PCDH15: variants seen among roughly 807,000 people sequenced by gnomAD.
PCDH15 encodes the protein protocadherin related 15, also known as protocadherin-15.
PCDH15 carries 129 observed loss-of-function variants against 178.5 expected under a neutral mutation model. The observed-to-expected ratio is 0.72, with a 90% CI of 0.63 to 0.84. The LOEUF is 0.84. Among genes scored for constraint, PCDH15 ranks in the 40% least tolerant of loss-of-function variants. PCDH15 has a pLI of 0.00. For missense variants in PCDH15, 2,230 were observed against 2,099.9 expected (o/e 1.06, Z -1.21); for synonymous variants, 800 against 732.0 (o/e 1.09, Z -1.50).
intron 8 of PCDH15, among the ~76,000 whole-genome samples, chr10:54,295,974 C>T (rs1239975480): frequency 6.7e-6 from 1 of 150,312 alleles, no homozygotes; most frequent in Non-Finnish European, 1.5e-5. Context: ...GAAACCCCGT[C>T]TCTACTAAAA....
chr10:55,173,196 G>A (rs1279617009), intron 1 of PCDH15, among the ~76,000 whole-genome samples: 1 of 151,302 alleles, frequency 6.6e-6, no homozygotes, highest in Non-Finnish European at 1.5e-5. Context: ...GTAACATACT[G>A]AATCTTTACA....
At chr10:53,819,266 C>A (rs999464764) in intron 33 of PCDH15, among the ~76,000 whole-genome samples, 1 of 151,924 alleles carries the variant, frequency 6.6e-6, no homozygotes, top group Non-Finnish European at 1.5e-5. Context: ...TAGACGATTT[C>A]TTCTGACTCC....
In PCDH15 at chr10:54,170,525, C is replaced by T. The variant is rs190700498; in HGVS notation, c.1590+12919G>A. Among the ~76,000 whole-genome samples the T allele has an allele frequency of 8.4e-3, 1,262 of 150,342 alleles. 41 individuals are homozygous for T. Among genetic ancestry groups the T allele is most frequent in the African/African-American group, 0.029 (1,164 of 39,746 alleles). ...TTCTTCCTCATACCTGATGCATATACTTTCTGCTTCCCAGCTCCTTCAGCT... is the reference window on the plus strand; with the variant it reads ...TTCTTCCTCATACCTGATGCATATATTTTCTGCTTCCCAGCTCCTTCAGCT... On this transcript the variant is annotated intron_variant, in intron 13 of 37. Coordinates refer to ENST00000644397, the MANE Select transcript of PCDH15 (RefSeq NM_001384140.1).
intron 3 of PCDH15, among the ~76,000 whole-genome samples, chr10:54,822,440 A>T (rs1181697112): frequency 6.6e-6 from 1 of 152,102 alleles, no homozygotes; most frequent in Non-Finnish European, 1.5e-5. Context: ...TTCTAGTTCC[A>T]TCATGTTAGT....
chr10:55,018,813 G>A (rs749093624), intron 2 of PCDH15, among the ~76,000 whole-genome samples: 3 of 152,100 alleles, frequency 2.0e-5, no homozygotes, highest in Non-Finnish European at 4.4e-5. Flanking sequence ...GAGGCTAGAT[G>A]TTGTGGAATT....
intron 21 of PCDH15, among the ~76,000 whole-genome samples, chr10:53,979,262 C>T (rs1404583636): frequency 6.6e-6 from 1 of 152,172 alleles, no homozygotes; most frequent in Non-Finnish European, 1.5e-5. Flanking sequence ...CATCCTTCTT[C>T]ACAGGGTGAC....
At chr10:53,998,530 T>C (rs2091963470) in intron 20 of PCDH15, among the ~76,000 whole-genome samples, 1 of 152,014 alleles carries the variant, frequency 6.6e-6, no homozygotes, top group South Asian at 2.1e-4. Context: ...ACCAAGAAGA[T>C]GTAAGGAATC....
intron 5 of PCDH15, among the ~76,000 whole-genome samples, chr10:54,347,568 G>T (rs1048348155): frequency 2.0e-5 from 3 of 152,038 alleles, no homozygotes; most frequent in Admixed American, 6.6e-5. Flanking sequence ...CAACAAAAAA[G>T]TTGCCTTATT....
In PCDH15 at chr10:53,821,876, A is replaced by T. The variant is rs1185902920; in HGVS notation, c.4368-1646T>A. 2.5e-6 allele frequency: 4 copies of T among 1,613,238 alleles called. No individual in the cohort carries two copies. The highest frequency in any genetic ancestry group is 3.4e-6 in the Non-Finnish European group (4 of 1,179,726). On this transcript the variant is annotated intron_variant, in intron 32 of 37. Coordinates refer to ENST00000644397, the MANE Select transcript of PCDH15 (RefSeq NM_001384140.1). Reference sequence around the variant, plus strand: ...AGCAACATTACAGTGAAGTAGATTGACTGTGAGATTGTTTTTCAGTTCCCT... The same window carrying T: ...AGCAACATTACAGTGAAGTAGATTGTCTGTGAGATTGTTTTTCAGTTCCCT...
intron 1 of PCDH15, among the ~76,000 whole-genome samples, chr10:54,717,803 C>T (rs1347839376): frequency 7.0e-6 from 1 of 143,314 alleles, no homozygotes; most frequent in Non-Finnish European, 1.5e-5. Context: ...TATAAAGACA[C>T]ATGCACACGT....
chr10:54,255,111 G>A (rs190752011), intron 8 of PCDH15, among the ~76,000 whole-genome samples: 166 of 152,286 alleles, frequency 1.1e-3, no homozygotes, highest in African/African-American at 3.9e-3. Flanking sequence ...AGAGCTGTAG[G>A]TAATTTGTAT....
intron 3 of PCDH15, among the ~76,000 whole-genome samples, chr10:54,419,239 T>TACAC (rs879889854): frequency 3.2e-4 from 27 of 83,198 alleles, no homozygotes; most frequent in Admixed American, 1.7e-3. Flanking sequence ...TATACATATA[T>TACAC]ACATACACAC....
intron 2 of PCDH15, among the ~76,000 whole-genome samples, chr10:54,586,228 A>G (rs1351095040): frequency 6.6e-6 from 1 of 152,162 alleles, no homozygotes; most frequent in African/African-American, 2.4e-5. Flanking sequence ...GACAGATTAA[A>G]AAGTGTGTCA....
intron 1 of PCDH15, among the ~76,000 whole-genome samples, chr10:55,177,869 AT>A (rs146520719): frequency 6.6e-6 from 1 of 151,792 alleles, no homozygotes; most frequent in African/African-American, 2.4e-5. Context: ...TTACAGACGG[AT>A]TTTTTTTATA....
At chr10:55,255,627 T>A (rs1841975661) in intron 1 of PCDH15, among the ~76,000 whole-genome samples, 1 of 152,140 alleles carries the variant, frequency 6.6e-6, no homozygotes, top group Non-Finnish European at 1.5e-5. Flanking sequence ...GTTTCCTGAC[T>A]TTTTAATGAT....
chr10:54,393,017 A>G (rs992343260), intron 3 of PCDH15, among the ~76,000 whole-genome samples: 20 of 152,154 alleles, frequency 1.3e-4, no homozygotes, highest in Admixed American at 1.2e-3. Context: ...TTAAAATTTT[A>G]AAGTTTTGAT....
chr10:54,413,426 A>G (rs1012963499), intron 3 of PCDH15, among the ~76,000 whole-genome samples: 27 of 152,294 alleles, frequency 1.8e-4, no homozygotes, highest in African/African-American at 5.8e-4. Flanking sequence ...AATATTCAGG[A>G]AACTATATAA....
intron 20 of PCDH15, among the ~76,000 whole-genome samples, chr10:53,999,231 C>G (rs957951473): frequency 1.3e-5 from 2 of 152,106 alleles, no homozygotes; most frequent in African/African-American, 4.8e-5. Flanking sequence ...TATGGCTGCT[C>G]TATAATGCCT....
chr10:54,379,323 C>A (rs530078510), intron 3 of PCDH15, among the ~76,000 whole-genome samples: 1 of 151,894 alleles, frequency 6.6e-6, no homozygotes, highest in African/African-American at 2.4e-5. Context: ...TTCTGTTAGA[C>A]CTCTGATGTG....
Sources: gnomAD v4.1 joint callset for allele counts (sites outside exome capture counted in the v4.1 genomes callset) on GRCh38, gnomAD v4.1.1 for gene constraint, MANE v1.5 for transcripts, NCBI Gene and HGNC (gene_info 2026-07-23, HGNC 2026-07-21) for gene names.